The following HAAO variants were observed in gnomAD, a reference collection of about 807,000 sequenced individuals.
HAAO encodes 3-hydroxyanthranilate 3,4-dioxygenase.
HAAO carries 49 observed loss-of-function variants against 46.2 expected under a neutral mutation model. The observed-to-expected ratio is 1.06, with a 90% CI of 0.84 to 1.34. HAAO has a LOEUF of 1.34. Among genes scored for constraint, HAAO ranks in the 40% most tolerant of loss-of-function variants. HAAO has a pLI of 0.00. For missense variants in HAAO, 408 were observed against 364.5 expected (o/e 1.12, Z -0.97); for synonymous variants, 157 against 145.2 (o/e 1.08, Z -0.58).
intron 2 of HAAO, among the ~76,000 whole-genome samples, chr2:42,786,015 G>C (rs1180003341): frequency 7.5e-5 from 2 of 26,710 alleles, no homozygotes; most frequent in Non-Finnish European, 2.3e-4. Flanking sequence ...GCCTCTGTGT[G>C]TGTGTGTGTG....
intron 4 of HAAO, among the ~76,000 whole-genome samples, chr2:42,779,567 A>C (rs1671839756): frequency 6.6e-6 from 1 of 151,854 alleles, no homozygotes; most frequent in African/African-American, 2.4e-5. Context: ...TGATCCCCCC[A>C]CCTCGGCCTT....
At chr2:42,779,890 A>C (rs1671860366) in intron 4 of HAAO, among the ~76,000 whole-genome samples, 1 of 152,350 alleles carries the variant, frequency 6.6e-6, no homozygotes, top group East Asian at 1.9e-4. Flanking sequence ...TGGTATAAAA[A>C]TTATACAGGA....
Position 42,767,561 on chromosome 2 carries a change from A to G in HAAO, c.782+34T>C, listed in dbSNP as rs532027720. The G allele has an allele frequency of 6.4e-5, 102 of 1,585,668 alleles. No homozygotes were observed. The East Asian group carries it at 2.1e-3, about 32-fold the overall frequency. On this transcript the variant is annotated intron_variant, in intron 9 of 9. Coordinates refer to ENST00000294973, the MANE Select transcript of HAAO (RefSeq NM_012205.3). ...AGGGATCACACAGAGTTGGACCCTGAGGATCCCAGGGAAAGCCCTCCCTGC... is the reference window on the plus strand; with the variant it reads ...AGGGATCACACAGAGTTGGACCCTGGGGATCCCAGGGAAAGCCCTCCCTGC...
At chr2:42,784,954 C>T (rs936694057) in intron 2 of HAAO, among the ~76,000 whole-genome samples, 7 of 152,236 alleles carry the variant, frequency 4.6e-5, no homozygotes, top group African/African-American at 1.4e-4. Context: ...CAACCTTGAC[C>T]TCAGTAATTC....
chr2:42,771,390 G>A (rs1326779980), intron 4 of HAAO, among the ~76,000 whole-genome samples: 14 of 150,402 alleles, frequency 9.3e-5, no homozygotes, highest in African/African-American at 2.9e-4. Flanking sequence ...TTGCACCGCC[G>A]CATTCCAGCC....
intron 2 of HAAO, 47 bp downstream of exon 2, chr2:42,788,482 G>T: frequency 8.1e-7 from 1 of 1,236,684 alleles, no homozygotes; most frequent in Non-Finnish European, 1.2e-6. Context: ...GCTAGGGCCA[G>T]GCTCCTTGCC....
At chr2:42,772,501 C>T (rs981622785) in intron 4 of HAAO, among the ~76,000 whole-genome samples, 3 of 150,162 alleles carry the variant, frequency 2.0e-5, no homozygotes, top group African/African-American at 7.4e-5. Flanking sequence ...AAAAAGAATA[C>T]TCATGAGTTT....
chr2:42,792,413 G>A (rs1481593473), intron 1 of HAAO, 44 bp downstream of exon 1: 2 of 1,115,114 alleles, frequency 1.8e-6, no homozygotes, highest in Non-Finnish European at 1.3e-6. Flanking sequence ...GGAGGAGGGG[G>A]AGGAGGCGAG....
chr2:42,769,870 G>C lies in HAAO; in HGVS notation c.485-12C>G, dbSNP rs374775671. ...CTTGAGCAGCTGGTCTGCACCCACA[G>C]CATGACTATAGTCGGTGTCCTCAGG... On this transcript the variant is annotated splice_polypyrimidine_tract_variant and intron_variant, in intron 6 of 9. Coordinates refer to ENST00000294973, the MANE Select transcript of HAAO (RefSeq NM_012205.3). 1 of 1,602,232 alleles carries C rather than the reference G, an allele frequency of 6.2e-7. No homozygotes were observed. Among genetic ancestry groups the C allele is most frequent in the Non-Finnish European group, 8.5e-7 (1 of 1,174,150 alleles).
At chr2:42,786,673 A>C (rs1672407861) in intron 2 of HAAO, among the ~76,000 whole-genome samples, 1 of 152,170 alleles carries the variant, frequency 6.6e-6, no homozygotes, top group South Asian at 2.1e-4. Flanking sequence ...ATGCAAGTTC[A>C]TCTGCCTCTG....
chr2:42,779,236 C>G (rs2104655179), intron 4 of HAAO, among the ~76,000 whole-genome samples: 1 of 152,264 alleles, frequency 6.6e-6, no homozygotes, highest in South Asian at 2.1e-4. Context: ...GAAGCATTAA[C>G]TGACTCCTAA....
At chr2:42,792,307 C>T (rs1038446965) in intron 1 of HAAO, 150 bp downstream of exon 1, 3 of 497,270 alleles carry the variant, frequency 6.0e-6, no homozygotes, top group Non-Finnish European at 1.1e-5. Context: ...CCGGAACAGC[C>T]TGTCTCCATC....
At chr2:42,785,831 C>T (rs994445977) in intron 2 of HAAO, among the ~76,000 whole-genome samples, 1 of 152,122 alleles carries the variant, frequency 6.6e-6, no homozygotes, top group Admixed American at 6.6e-5. Context: ...CACTGTACTC[C>T]AGCCTGGGTG....
At chr2:42,791,546 G>A (rs1672799209) in intron 1 of HAAO, among the ~76,000 whole-genome samples, 1 of 152,160 alleles carries the variant, frequency 6.6e-6, no homozygotes, top group African/African-American at 2.4e-5. Context: ...CTGCTCCGTG[G>A]GTTGAGTCTG....
chr2:42,780,009 AACTT>A (rs2104656485), intron 4 of HAAO, among the ~76,000 whole-genome samples: 1 of 152,220 alleles, frequency 6.6e-6, no homozygotes, highest in African/African-American at 2.4e-5. Flanking sequence ...ATCCTGATAA[AACTT>A]AGTGTACATC....
At chr2:42,774,786 TTTG>T (rs150872395) in intron 4 of HAAO, among the ~76,000 whole-genome samples, 54,727 of 151,782 alleles carry the variant, frequency 0.36, 10,728 homozygotes, top group African/African-American at 0.48. Context: ...TGCTTCACTG[TTTG>T]TTGTTGTTGT....
In HAAO at chr2:42,788,714, G is replaced by A. The variant is rs1573958936; in HGVS notation, c.81-107C>T. 3.9e-6 allele frequency: 3 copies of A among 775,642 alleles called. No homozygotes were observed. The East Asian group carries it at 7.5e-5, about 19-fold the overall frequency. The allele number at this position is 775,642 out of a possible 1,614,324, so 48.0% of individuals were successfully genotyped here. On this transcript the variant is annotated intron_variant, in intron 1 of 9. Coordinates refer to ENST00000294973, the MANE Select transcript of HAAO (RefSeq NM_012205.3). ...GAGCCTGAGGGCCCCTGGGAGAGGAGCAGGGCTGTTTTGGCCTCACTGTCC... is the reference window on the plus strand; with the variant it reads ...GAGCCTGAGGGCCCCTGGGAGAGGAACAGGGCTGTTTTGGCCTCACTGTCC...
chr2:42,770,618 C>A (rs1454221025), intron 4 of HAAO, 36 bp from the exon 5 acceptor site: 2 of 1,436,772 alleles, frequency 1.4e-6, no homozygotes, highest in Non-Finnish European at 1.9e-6. Context: ...CTGCTGTCCC[C>A]ATCTGGGTGG....
At chr2:42,775,604 T>C (rs1671497176) in intron 4 of HAAO, among the ~76,000 whole-genome samples, 1 of 152,102 alleles carries the variant, frequency 6.6e-6, no homozygotes, top group Admixed American at 6.6e-5. Context: ...CTTTTTTTTT[T>C]GAGCAAAAGT....
Sources: gnomAD v4.1 joint callset for allele counts (sites outside exome capture counted in the v4.1 genomes callset) on GRCh38, gnomAD v4.1.1 for gene constraint, MANE v1.5 for transcripts, NCBI Gene and HGNC (gene_info 2026-07-23, HGNC 2026-07-21) for gene names.